FHOD3: variants seen among roughly 807,000 people sequenced by gnomAD.
The protein encoded by FHOD3 is FH1/FH2 domain-containing protein 3.
FHOD3 carries 90 observed loss-of-function variants against 173.0 expected under a neutral mutation model. That is an observed-to-expected ratio of 0.52 (90% confidence interval 0.44 to 0.62). The LOEUF is 0.62. Ranked by LOEUF, FHOD3 falls within the 20% of genes least tolerant of loss-of-function variation. The pLI is 0.00. For missense variants in FHOD3, 1,945 were observed against 2,034.7 expected, an observed-to-expected ratio of 0.96 and a Z score of 0.85; for synonymous variants, 828 against 823.0, an observed-to-expected ratio of 1.01 and a Z score of -0.10.
At chr18:36,337,609 T>C in intron 1 of FHOD3, among the ~76,000 whole-genome samples, 1 of 152,186 alleles carries the variant, frequency 6.6e-6, no homozygotes, top group Non-Finnish European at 1.5e-5. Context: ...GGTCCTCTGC[T>C]CATGAGCAAG....
Position 36,548,645 on chromosome 18 carries a change from T to G in FHOD3, c.512-27806T>G, listed in dbSNP as rs139633871. 3.3e-5 allele frequency among the ~76,000 whole-genome samples: 5 copies of G among 152,306 alleles called. No individual in the cohort carries two copies. In the East Asian group the frequency reaches 9.7e-4, roughly 29 times the overall value. On this transcript the variant is annotated intron_variant, in intron 5 of 28. Coordinates refer to ENST00000590592, the MANE Select transcript of FHOD3 (RefSeq NM_001281740.3). Reference sequence around the variant, plus strand: ...TGATCTACCTTCTGTCACTATGCATTAGATTGTATTTTCTACAATTGTGTA... The same window carrying G: ...TGATCTACCTTCTGTCACTATGCATGAGATTGTATTTTCTACAATTGTGTA...
chr18:36,596,796 A>G (rs570836939), intron 7 of FHOD3, among the ~76,000 whole-genome samples: 1 of 152,210 alleles, frequency 6.6e-6, no homozygotes, highest in East Asian at 1.9e-4. Context: ...CTGCCACAAA[A>G]TGTTGCCCTC....
At chr18:36,753,395 T>C (rs2150181447) in intron 24 of FHOD3, among the ~76,000 whole-genome samples, 1 of 152,328 alleles carries the variant, frequency 6.6e-6, no homozygotes, top group East Asian at 1.9e-4. Flanking sequence ...GTCCAGGGCC[T>C]TATTTGGAAA....
chr18:36,334,765 A>T (rs745331778), intron 1 of FHOD3, among the ~76,000 whole-genome samples: 4 of 152,222 alleles, frequency 2.6e-5, no homozygotes, highest in Non-Finnish European at 5.9e-5. Context: ...TTTCTGACTT[A>T]CTGGGAAGAC....
In FHOD3 at chr18:36,602,731, C is replaced by T. The variant is rs770013602; in HGVS notation, c.776C>T (p.Thr259Met). 153 of 1,613,964 alleles carry T rather than the reference C, an allele frequency of 9.5e-5. 2 individuals are homozygous for T. In the South Asian group the frequency reaches 1.0e-3, roughly 11 times the overall value. ...EILEEKDGVDTELLVYAMTLV... is the reference protein window; with the variant it reads ...EILEEKDGVDMELLVYAMTLV... Reference sequence around the variant, plus strand: ...CTGGAGGAAAAAGATGGAGTTGATACGGAGCTACTGGTTTATGCAATGACT... The same window carrying T: ...CTGGAGGAAAAAGATGGAGTTGATATGGAGCTACTGGTTTATGCAATGACT... Residue 259 changes from threonine (T) to methionine (M), a missense_variant, in exon 8 of 29, where the codon ACG becomes ATG. Transcript: ENST00000590592.
chr18:36,644,869 T>C (rs564914807), intron 10 of FHOD3, among the ~76,000 whole-genome samples: 126 of 152,264 alleles, frequency 8.3e-4, no homozygotes, highest in African/African-American at 2.9e-3. Context: ...CCAGAACCTC[T>C]CCAGCTCTAC....
At chr18:36,527,363 T>G (rs2056570263) in intron 5 of FHOD3, among the ~76,000 whole-genome samples, 1 of 152,198 alleles carries the variant, frequency 6.6e-6, no homozygotes, top group African/African-American at 2.4e-5. Context: ...CCCTAAGTGC[T>G]TTGTGAGTGC....
chr18:36,635,033 T>C (rs2034785459), intron 10 of FHOD3, among the ~76,000 whole-genome samples: 1 of 152,110 alleles, frequency 6.6e-6, no homozygotes, highest in Admixed American at 6.5e-5. Flanking sequence ...CTGACAAAAG[T>C]ATGATTGGAA....
At chr18:36,327,986 C>G (rs984020150) in intron 1 of FHOD3, among the ~76,000 whole-genome samples, 1 of 152,050 alleles carries the variant, frequency 6.6e-6, no homozygotes, top group African/African-American at 2.4e-5. Context: ...TCCCTTCAAG[C>G]CCCCCCACAA....
chr18:36,491,045 C>A (rs1195905792), intron 3 of FHOD3, among the ~76,000 whole-genome samples: 2 of 152,128 alleles, frequency 1.3e-5, no homozygotes, highest in African/African-American at 4.8e-5. Context: ...TGGAGGGAAA[C>A]CACTGTGGAT....
intron 10 of FHOD3, among the ~76,000 whole-genome samples, chr18:36,634,791 A>G (rs999265288): frequency 6.6e-6 from 1 of 152,142 alleles, no homozygotes; most frequent in East Asian, 1.9e-4. Context: ...ATTATCATCA[A>G]TCCATGCCCT....
At chr18:36,728,029 C>T (rs2041166279) in intron 19 of FHOD3, among the ~76,000 whole-genome samples, 3 of 152,314 alleles carry the variant, frequency 2.0e-5, no homozygotes, top group African/African-American at 4.8e-5. Context: ...CCATTCTAGG[C>T]AGGAAGAAGG....
At chr18:36,454,156 A>G (rs560191301) in intron 3 of FHOD3, among the ~76,000 whole-genome samples, 1 of 152,256 alleles carries the variant, frequency 6.6e-6, no homozygotes, top group Admixed American at 6.5e-5. Context: ...GCCTTGGGAC[A>G]TTCCAGGTCC....
intron 3 of FHOD3, among the ~76,000 whole-genome samples, chr18:36,466,197 C>G (rs954374730): frequency 6.6e-6 from 1 of 152,348 alleles, no homozygotes; most frequent in African/African-American, 2.4e-5. Flanking sequence ...GGCTATCCCG[C>G]AGAGACATGA....
chr18:36,374,764 T>C (rs1253623065), intron 3 of FHOD3, among the ~76,000 whole-genome samples: 1 of 152,230 alleles, frequency 6.6e-6, no homozygotes, highest in Non-Finnish European at 1.5e-5. Flanking sequence ...GAACTATTTG[T>C]GCCTCATCAC....
intron 6 of FHOD3, among the ~76,000 whole-genome samples, chr18:36,577,340 G>C (rs912040985): frequency 1.3e-5 from 2 of 152,034 alleles, no homozygotes; most frequent in African/African-American, 4.8e-5. Context: ...CTTATACTCT[G>C]TTGCCAGGCT....
chr18:36,652,900 G>T lies in FHOD3; in HGVS notation c.1617G>T (p.Glu539Asp). 3 of 1,534,478 alleles carry T rather than the reference G, an allele frequency of 2.0e-6. No individual in the cohort carries two copies. The highest frequency in any genetic ancestry group is 2.6e-6 in the Non-Finnish European group (3 of 1,145,566). ...AGGACTCCTCCCTGTCCACCAAGGA[G>T]AAGGAAGCAGAGTCCCAGAAGGAAA... ...DFEDSSLSTK[E>D]KEAESQKENS... Residue 539 changes from glutamate (E) to aspartate (D), a missense_variant, in exon 12 of 29, where the codon GAG becomes GAT. Transcript: ENST00000590592.
At chr18:36,403,396 C>T (rs74488380) in intron 3 of FHOD3, among the ~76,000 whole-genome samples, 14,633 of 152,196 alleles carry the variant, frequency 0.096, 759 homozygotes, top group East Asian at 0.2. Context: ...TTTAAAGAAA[C>T]GTCTCTGACA....
intron 1 of FHOD3, among the ~76,000 whole-genome samples, chr18:36,335,291 C>T (rs1023288728): frequency 1.3e-5 from 2 of 151,734 alleles, no homozygotes. Context: ...GTCAGGAGAT[C>T]GAGACCATCC....
Sources: allele counts gnomAD v4.1 joint callset (sites outside exome capture counted in the v4.1 genomes callset), GRCh38; gene constraint gnomAD v4.1.1; transcripts MANE v1.5; gene names NCBI Gene and HGNC (gene_info 2026-07-23, HGNC 2026-07-21).